Variants in DCUN1D4 observed in about 807,000 individuals in gnomAD.
The protein encoded by DCUN1D4 is defective in cullin neddylation 1 domain containing 4, also known as DCN1-like protein 4.
A neutral mutation model predicts 47.9 loss-of-function variants in DCUN1D4; 22 were observed. The ratio of observed to expected loss-of-function variants is 0.46; its 90% CI spans 0.33 to 0.66. The LOEUF is 0.66. Ranked by LOEUF, DCUN1D4 falls within the 30% of genes least tolerant of loss-of-function variation. The probability of loss-of-function intolerance (pLI) is 0.02; values close to 1 mark genes in which losing one functional copy is unlikely to be tolerated. For missense variants in DCUN1D4, 301 were observed against 340.8 expected (o/e 0.88, Z 0.92); for synonymous variants, 121 against 112.2 (o/e 1.08, Z -0.50).
In DCUN1D4 at chr4:51,916,164, T is replaced by C. The variant is rs1008173192; in HGVS notation, c.*2580T>C. ...GTCTACAACCCTTTCTCTTTTTCTA[T>C]TGTGTTTCGAACTCCACATTGCAAT... On this transcript the variant is annotated 3_prime_UTR_variant, in exon 11 of 11. Coordinates refer to ENST00000334635, the MANE Select transcript of DCUN1D4 (RefSeq NM_001040402.3). 2.6e-5 allele frequency: 4 copies of C among 152,120 alleles called. No homozygotes were observed. Among genetic ancestry groups the C allele is most frequent in the Non-Finnish European group, 4.4e-5 (3 of 67,996 alleles). The allele number at this position is 152,120 out of a possible 1,614,324, so 9.4% of individuals were successfully genotyped here.
intron 6 of DCUN1D4, among the ~76,000 whole-genome samples, chr4:51,889,463 G>A (rs138802559): frequency 0.011 from 1,662 of 152,272 alleles, 32 homozygotes; most frequent in African/African-American, 0.034. Flanking sequence ...CTTTATTTAA[G>A]TACTTAGATT....
chr4:51,908,554 A>G (rs978932990), intron 8 of DCUN1D4, among the ~76,000 whole-genome samples: 2 of 151,392 alleles, frequency 1.3e-5, no homozygotes, highest in Non-Finnish European at 2.9e-5. Context: ...TCTTACAAAG[A>G]GCTTTTGGAT....
intron 5 of DCUN1D4, among the ~76,000 whole-genome samples, chr4:51,885,220 C>CG (rs955011374): frequency 2.3e-4 from 35 of 151,746 alleles, no homozygotes; most frequent in African/African-American, 8.2e-4. Context: ...CAGGATGGGT[C>CG]GGGGGGAAAA....
chr4:51,916,502 T>G lies in DCUN1D4; in HGVS notation c.*2918T>G, dbSNP rs891305296. The G allele has an allele frequency of 6.6e-6, 1 of 152,580 alleles. No homozygotes were observed. The highest frequency in any genetic ancestry group is 1.5e-5 in the Non-Finnish European group (1 of 68,004). 9.5% of individuals were successfully genotyped at this position (152,580 alleles called of 1,614,324 possible). Reference sequence around the variant, plus strand: ...TACCTCTGTAAGCCTTATCCTTTATTCTTTCATATGTTGTATAATAAATGT... The same window carrying G: ...TACCTCTGTAAGCCTTATCCTTTATGCTTTCATATGTTGTATAATAAATGT... On this transcript the variant is annotated 3_prime_UTR_variant, in exon 11 of 11. Transcript: ENST00000334635.
At chr4:51,895,174 C>T (rs1323798669) in intron 7 of DCUN1D4, among the ~76,000 whole-genome samples, 1 of 151,482 alleles carries the variant, frequency 6.6e-6, no homozygotes, top group Non-Finnish European at 1.5e-5. Context: ...CATTCAGACC[C>T]TTCATTATAT....
chr4:51,891,952 T>A, intron 7 of DCUN1D4, 101 bp downstream of exon 7: 1 of 909,480 alleles, frequency 1.1e-6, no homozygotes, highest in Non-Finnish European at 1.7e-6. Flanking sequence ...TGGAAGGAAG[T>A]CAGGTGGTCT....
intron 8 of DCUN1D4, among the ~76,000 whole-genome samples, chr4:51,902,080 C>G (rs1183137895): frequency 6.6e-6 from 1 of 151,966 alleles, no homozygotes; most frequent in Non-Finnish European, 1.5e-5. Flanking sequence ...ATGTTATTTT[C>G]CAGGTATTTA....
Position 51,843,194 on chromosome 4 carries a change from AGGCGAGCGCGGGAGCCTGGGC to A in DCUN1D4, c.-41_-21del. The A allele has an allele frequency of 6.5e-7, 1 of 1,536,616 alleles. No homozygotes were observed. The highest frequency in any genetic ancestry group is 8.8e-7 in the Non-Finnish European group (1 of 1,142,168). On this transcript the variant is annotated 5_prime_UTR_variant, in exon 1 of 11. Transcript: ENST00000334635. Reference sequence around the variant, plus strand: ...GCAGTGAGCTGGTGGGGGGACCGCGAGGCGAGCGCGGGAGCCTGGGCGGCGAGCCGGGTGTGAGCTGCCTGA... The same window carrying A: ...GCAGTGAGCTGGTGGGGGGACCGCGAGGCGAGCCGGGTGTGAGCTGCCTGA...
At chr4:51,897,608 A>C (rs1731467533) in intron 7 of DCUN1D4, among the ~76,000 whole-genome samples, 1 of 151,520 alleles carries the variant, frequency 6.6e-6, no homozygotes. Flanking sequence ...TTGCTTATGA[A>C]AAGTAAACAC....
chr4:51,843,619 C>A, intron 1 of DCUN1D4: 1 of 1,183,738 alleles, frequency 8.4e-7, no homozygotes, highest in Non-Finnish European at 1.0e-6. Context: ...CTGTAGCGGG[C>A]AGGGCCGGGG....
At chr4:51,866,417 TTCCTTAAATA>T (rs1725926249) in intron 3 of DCUN1D4, among the ~76,000 whole-genome samples, 1 of 151,092 alleles carries the variant, frequency 6.6e-6, no homozygotes, top group Non-Finnish European at 1.5e-5. Flanking sequence ...GATGTATTTT[TTCCTTAAATA>T]CAAGTGTACA....
At chr4:51,844,903 C>T in intron 1 of DCUN1D4, 2 of 985,386 alleles carry the variant, frequency 2.0e-6, no homozygotes, top group Non-Finnish European at 2.4e-6. Context: ...GTGCTTTATT[C>T]CCCGGCCAGC....
chr4:51,869,789 G>GA (rs1726584732), intron 3 of DCUN1D4, among the ~76,000 whole-genome samples: 1 of 152,146 alleles, frequency 6.6e-6, no homozygotes, highest in South Asian at 2.1e-4. Context: ...TAGACCTGTT[G>GA]AAAAAATGTT....
intron 6 of DCUN1D4, among the ~76,000 whole-genome samples, chr4:51,889,058 G>A (rs543348652): frequency 5.3e-5 from 8 of 152,210 alleles, no homozygotes; most frequent in East Asian, 1.9e-4. Flanking sequence ...GCAGTGAGCC[G>A]AGATCGCACC....
intron 1 of DCUN1D4, among the ~76,000 whole-genome samples, chr4:51,853,241 A>G (rs1401876434): frequency 6.6e-6 from 1 of 152,232 alleles, no homozygotes; most frequent in East Asian, 1.9e-4. Flanking sequence ...AAAAGCCAGC[A>G]GCAATATGCT....
chr4:51,838,326 A>C (rs1194554406), upstream of DCUN1D4, among the ~76,000 whole-genome samples: 1 of 152,172 alleles, frequency 6.6e-6, no homozygotes, highest in Admixed American at 6.5e-5. Context: ...AGATCTATAA[A>C]AGGAGCCTGA....
intron 1 of DCUN1D4, among the ~76,000 whole-genome samples, chr4:51,851,320 G>A (rs1723328226): frequency 6.6e-6 from 1 of 152,204 alleles, no homozygotes; most frequent in Non-Finnish European, 1.5e-5. Flanking sequence ...ATGCCCCGGG[G>A]GCTTTGAGAA....
intron 6 of DCUN1D4, among the ~76,000 whole-genome samples, chr4:51,890,955 G>A (rs1730327572): frequency 6.6e-6 from 1 of 152,220 alleles, no homozygotes; most frequent in African/African-American, 2.4e-5. Context: ...AGTCACAAAA[G>A]CACAGGTGGC....
At chr4:51,905,857 C>T (rs1022755940) in intron 8 of DCUN1D4, among the ~76,000 whole-genome samples, 2 of 152,028 alleles carry the variant, frequency 1.3e-5, no homozygotes, top group African/African-American at 2.4e-5. Flanking sequence ...GCATTGCAGT[C>T]CTACCTTGAT....
Sources: allele counts gnomAD v4.1 joint callset (sites outside exome capture counted in the v4.1 genomes callset), GRCh38; gene constraint gnomAD v4.1.1; transcripts MANE v1.5; gene names NCBI Gene and HGNC (gene_info 2026-07-23, HGNC 2026-07-21).